SRRM2: variants seen among roughly 807,000 people sequenced by gnomAD.
SRRM2 encodes serine/arginine repetitive matrix 2.
Under a neutral mutation model 213.8 loss-of-function variants are expected in SRRM2, and 30 were observed. The observed-to-expected ratio is 0.14, with a 90% confidence interval of 0.10 to 0.19. The LOEUF (loss-of-function observed/expected upper bound fraction) is 0.19. SRRM2 is among the 10% of genes least tolerant of loss of function. The pLI, the probability that SRRM2 is intolerant of heterozygous loss-of-function variation, is 1.00. For missense variants in SRRM2, 4,904 were observed against 3,647.0 expected (o/e 1.34, Z -8.88); for synonymous variants, 2,025 against 1,377.7 (o/e 1.47, Z -10.40).
Position 2,769,159 on chromosome 16 carries a change from C to CTCTTCT in SRRM2, c.7905_7910dup (p.Ser2647_Ser2648dup). The CTCTTCT allele has an allele frequency of 6.2e-7, 1 of 1,610,230 alleles. No individual in the cohort carries two copies. Among genetic ancestry groups the CTCTTCT allele is most frequent in the Non-Finnish European group, 8.5e-7 (1 of 1,176,882 alleles). On this transcript the variant is annotated inframe_insertion, in exon 12 of 15. Transcript: ENST00000301740. ...CCTCCTCTTCTTCCTCCTCCTCTTC[C>CTCTTCT]TCTTCTTCTTCTTCCTCCTCATCTT...
rs1191551303 is a variant in SRRM2, at chr16:2,768,009, T to G, written c.7481T>G (p.Leu2494Arg). Reference protein sequence around the residue: ...TSSAGDHNGMLSVPAPGVPHS... With the variant: ...TSSAGDHNGMRSVPAPGVPHS... Reference sequence around the variant, plus strand: ...TCTGCTGGTGATCACAATGGCATGCTCTCTGTCCCTGCCCCTGGGGTGCCC... The same window carrying G: ...TCTGCTGGTGATCACAATGGCATGCGCTCTGTCCCTGCCCCTGGGGTGCCC... Residue 2494 changes from leucine to arginine, a missense_variant, in exon 11 of 15, where the codon CTC becomes CGC. By Grantham distance (102) the Leu-to-Arg change is moderately radical. Transcript: ENST00000301740. The G allele has an allele frequency of 6.2e-7, 1 of 1,614,128 alleles. No homozygotes were observed. Among genetic ancestry groups the G allele is most frequent in the Non-Finnish European group, 8.5e-7 (1 of 1,180,024 alleles).
At position 2,761,814 on chromosome 16, in the gene SRRM2, A is replaced by G. The variant is rs1006147745; in HGVS notation, c.1286A>G (p.Lys429Arg). ...ESSPPSPQPTKVSRHASSSPE... is the reference protein window; with the variant it reads ...ESSPPSPQPTRVSRHASSSPE... ...AGCCCACCATCCCCTCAACCTACCA[A>G]AGTTTCTCGGCATGCCAGCTCTTCC... The change falls in exon 11 of 15, where the codon AAA becomes AGA. Residue 429 changes from lysine (K) to arginine (R), a missense_variant. Transcript: ENST00000301740. 3.7e-6 allele frequency: 6 copies of G among 1,612,884 alleles called. No homozygotes were observed. Among genetic ancestry groups the G allele is most frequent in the East Asian group, 2.2e-5 (1 of 44,828 alleles).
At chr16:2,759,482 C>T in intron 8 of SRRM2, 80 bp downstream of exon 8, 4 of 1,601,856 alleles carry the variant, frequency 2.5e-6, no homozygotes, top group Non-Finnish European at 3.4e-6. Flanking sequence ...AGTTATGTCC[C>T]TGACTGGTAA....
rs746162454 is a variant in SRRM2, at chr16:2,768,885, C to G, written c.7734-112C>G. On this transcript the variant is annotated intron_variant, in intron 11 of 14. Coordinates refer to ENST00000301740, the MANE Select transcript of SRRM2 (RefSeq NM_016333.4). ...GCTGGCTCACGTGGCTCGGAGAGCT[C>G]CCAGCGCCTTTCTCAGGCACCCCTC... 2.4e-5 allele frequency: 38 copies of G among 1,551,746 alleles called. No homozygotes were observed. The African/African-American group carries it at 4.2e-4, about 17-fold the overall frequency.
intron 12 of SRRM2, 117 bp downstream of exon 12, chr16:2,769,401 TGGG>T: frequency 8.2e-7 from 1 of 1,226,990 alleles, no homozygotes; most frequent in Non-Finnish European, 1.1e-6. Context: ...CATCTGGTTG[TGGG>T]GGAGGAGGCA....
chr16:2,766,205 T>A lies in SRRM2; in HGVS notation c.5677T>A (p.Ser1893Thr). The change falls in exon 11 of 15, where the codon TCA (serine) becomes ACA (threonine). Residue 1893 changes from serine (S) to threonine (T), a missense_variant. Transcript: ENST00000301740. This position sits in a 1 kb window ranked among gnomAD's most constrained non-coding sequence, Gnocchi z 7.0. ...CCGACGTAGGTCCAGATCTCGAACT[T>A]CACCAGTCAGCCGGAGACGGTCAAG... ...ISRRRSRSRT[S>T]PVSRRRSRSR... The A allele has an allele frequency of 6.2e-7, 1 of 1,613,774 alleles. No individual in the cohort carries two copies. The highest frequency in any genetic ancestry group is 8.5e-7 in the Non-Finnish European group (1 of 1,179,940).
At chr16:2,755,195 A>G (rs929066900) in intron 1 of SRRM2, among the ~76,000 whole-genome samples, 7 of 152,240 alleles carry the variant, frequency 4.6e-5, no homozygotes, top group Non-Finnish European at 7.3e-5. Context: ...TAGCCAAGGA[A>G]TCTAACCAGG....
intron 9 of SRRM2, chr16:2,759,937 C>G: frequency 1.9e-6 from 1 of 524,636 alleles, no homozygotes; most frequent in Non-Finnish European, 3.4e-6. Context: ...TTCGTGGTGT[C>G]TGGGGGAGGA....
chr16:2,769,477 C>T (rs547591325), intron 12 of SRRM2, 193 bp downstream of exon 12: 119 of 673,170 alleles, frequency 1.8e-4, no homozygotes, highest in South Asian at 1.2e-3. Context: ...CCATCCACAG[C>T]GGCGCTCAGG....
chr16:2,760,829 G>T, intron 10 of SRRM2: 1 of 237,374 alleles, frequency 4.2e-6, no homozygotes, highest in Non-Finnish European at 8.4e-6. Context: ...ATTAAATGCT[G>T]GTCATGTCTC....
Position 2,761,820 on chromosome 16 carries a change from C to T in SRRM2, c.1292C>T (p.Ser431Phe), listed in dbSNP as rs1229812725. ...SPPSPQPTKV[S>F]RHASSSPESP... ...CCATCCCCTCAACCTACCAAAGTTT[C>T]TCGGCATGCCAGCTCTTCCCCAGAA... Residue 431 changes from serine to phenylalanine, a missense_variant, in exon 11 of 15, where the codon TCT becomes TTT. Transcript: ENST00000301740. The T allele has an allele frequency of 3.7e-6, 6 of 1,613,968 alleles. No homozygotes were observed. The South Asian group carries it at 5.5e-5, about 15-fold the overall frequency.
chr16:2,754,583 C>G (rs1172100013), intron 1 of SRRM2, among the ~76,000 whole-genome samples: 1 of 152,144 alleles, frequency 6.6e-6, no homozygotes, highest in Admixed American at 6.5e-5. Context: ...AGCCACCGTA[C>G]CCGGCCTGGT....
In SRRM2 at chr16:2,765,915, C is replaced by T; in HGVS notation, c.5387C>T (p.Ser1796Leu). 2 of 1,614,186 alleles carry T rather than the reference C, an allele frequency of 1.2e-6. No individual in the cohort carries two copies. Among genetic ancestry groups the T allele is most frequent in the Non-Finnish European group, 1.7e-6 (2 of 1,180,040 alleles). Residue 1796 changes from serine to leucine, a missense_variant, in exon 11 of 15, where the codon TCA (serine) becomes TTA (leucine). By Grantham distance (145) the Ser-to-Leu change is moderately radical. Transcript: ENST00000301740. ...RRRDRSGSSQSTSRRRQRSRS... is the reference protein window; with the variant it reads ...RRRDRSGSSQLTSRRRQRSRS... ...CGAGATAGGTCTGGATCTTCTCAGT[C>T]AACCTCTCGGCGAAGACAGCGGAGC...
At position 2,760,824 on chromosome 16, in the gene SRRM2, A is replaced by G; in HGVS notation, c.1032+325A>G. 8.0e-6 allele frequency: 2 copies of G among 250,178 alleles called. 1 individual carries two copies. Among genetic ancestry groups the G allele is most frequent in the East Asian group, 1.8e-4 (2 of 11,154 alleles). The allele number at this position is 250,178 out of a possible 1,614,324, so 15.5% of individuals were successfully genotyped here. On this transcript the variant is annotated intron_variant, in intron 10 of 14. Coordinates refer to ENST00000301740, the MANE Select transcript of SRRM2 (RefSeq NM_016333.4). ...CTAGTTTCTTCTCTTTTTTCATTAA[A>G]TGCTGGTCATGTCTCACCAAAACTT...
At position 2,761,652 on chromosome 16, in the gene SRRM2, G is replaced by T. The variant is rs1427282509; in HGVS notation, c.1124G>T (p.Gly375Val). 1 of 1,586,614 alleles carries T rather than the reference G, an allele frequency of 6.3e-7. No homozygotes were observed. Among genetic ancestry groups the T allele is most frequent in the Non-Finnish European group, 8.6e-7 (1 of 1,168,124 alleles). The change falls in exon 11 of 15, where the codon GGC (glycine) becomes GTC (valine). Residue 375 changes from glycine (G) to valine (V), a missense_variant. Transcript: ENST00000301740. ...ACTCCGCTCCTTGCTGAGCGACATG[G>T]CGGCTCCCCACAACCCCTTGCAACC... is the stretch of plus-strand genomic sequence containing the variant. ...APTPLLAERH[G>V]GSPQPLATTP...
At chr16:2,754,176 C>A (rs567964281) in intron 1 of SRRM2, among the ~76,000 whole-genome samples, 10 of 152,216 alleles carry the variant, frequency 6.6e-5, no homozygotes, top group Admixed American at 6.5e-4. Context: ...TCTTAACACA[C>A]CCCTTAGATG....
chr16:2,762,308 T>G lies in SRRM2; in HGVS notation c.1780T>G (p.Ser594Ala). The change falls in exon 11 of 15, where the codon TCA (serine) becomes GCA (alanine). Residue 594 changes from serine to alanine, a missense_variant. Transcript: ENST00000301740. ...SRSRTPARRR[S>A]RSRTPTRRRS... ...CTCTAGAACACCTGCCAGGCGGAGA[T>G]CACGATCCAGAACTCCCACCAGGCG... 6.2e-7 allele frequency: 1 copy of G among 1,613,802 alleles called. No individual in the cohort carries two copies. Among genetic ancestry groups the G allele is most frequent in the Non-Finnish European group, 8.5e-7 (1 of 1,179,944 alleles).
In SRRM2 at chr16:2,759,339, C is replaced by T. The variant is rs777718531; in HGVS notation, c.690-13C>T. On this transcript the variant is annotated splice_polypyrimidine_tract_variant and intron_variant, in intron 7 of 14. Coordinates refer to ENST00000301740, the MANE Select transcript of SRRM2 (RefSeq NM_016333.4). ...AAAGAAGTTACTTTTAACAACCTTT[C>T]CTTATTTCCCAGGTCTCCCACTCCA... 18 of 1,607,774 alleles carry T rather than the reference C, an allele frequency of 1.1e-5. No individual in the cohort carries two copies. The highest frequency in any genetic ancestry group is 4.0e-5 in the African/African-American group (3 of 74,392).
In SRRM2 at chr16:2,764,514, C is replaced by A; in HGVS notation, c.3986C>A (p.Ser1329Ter). 6.2e-7 allele frequency: 1 copy of A among 1,614,160 alleles called. No individual in the cohort carries two copies. The highest frequency in any genetic ancestry group is 1.1e-5 in the South Asian group (1 of 91,068). ...CCACTCAGGGAGAACAGCTTTGGAT[C>A]ACCTTTAGAATTTAGAAACTCAGGC... ...NSPLRENSFG[S>*]PLEFRNSGPL... Residue 1329 changes from serine (S) to a stop codon, truncating the protein, a stop_gained, in exon 11 of 15, where the codon TCA becomes TAA. Coordinates refer to ENST00000301740, the MANE Select transcript of SRRM2 (RefSeq NM_016333.4). LOFTEE classifies it high-confidence loss of function.
Sources: allele counts gnomAD v4.1 joint callset (sites outside exome capture counted in the v4.1 genomes callset), GRCh38; gene constraint gnomAD v4.1.1; non-coding constraint Gnocchi (gnomAD v3.1); transcripts MANE v1.5; gene names NCBI Gene and HGNC (gene_info 2026-07-23, HGNC 2026-07-21).